TBC1D16: variants seen among roughly 807,000 people sequenced by gnomAD.
The protein encoded by TBC1D16 is TBC1 domain family member 16, also known as CTD-2529O21.1.
Under a neutral mutation model 74.7 loss-of-function variants are expected in TBC1D16, and 58 were observed. That is an observed-to-expected ratio of 0.78 (90% CI 0.63 to 0.97). The LOEUF is 0.97. Among genes scored for constraint, TBC1D16 ranks in the 50% least tolerant of loss-of-function variants. The probability of loss-of-function intolerance (pLI) is 0.00; values close to 1 mark genes in which losing one functional copy is unlikely to be tolerated. For missense variants in TBC1D16, 1,014 were observed against 1,079.5 expected, an observed-to-expected ratio of 0.94 and a Z score of 0.85; for synonymous variants, 493 against 474.7, an observed-to-expected ratio of 1.04 and a Z score of -0.50.
chr17:80,006,045 AATT>A (rs1372656578), intron 3 of TBC1D16, among the ~76,000 whole-genome samples: 3 of 152,014 alleles, frequency 2.0e-5, no homozygotes, highest in Admixed American at 1.3e-4. Context: ...ACTCCGGGTT[AATT>A]ATTAATAGAC....
intron 1 of TBC1D16, among the ~76,000 whole-genome samples, chr17:80,019,480 C>A (rs1340892880): frequency 7.5e-6 from 1 of 132,966 alleles, no homozygotes; most frequent in East Asian, 2.6e-4. Flanking sequence ...AGAGACTGGG[C>A]TCTTTTTGGA....
chr17:79,952,972 T>TA, intron 3 of TBC1D16, 154 bp from the exon 4 acceptor site: 2 of 769,634 alleles, frequency 2.6e-6, no homozygotes, highest in Non-Finnish European at 4.0e-6. Context: ...CACCTGTGAA[T>TA]AAATGAATGT....
In TBC1D16 at chr17:79,936,736, G is replaced by T. The variant is rs536625685; in HGVS notation, c.*4123C>A. On this transcript the variant is annotated 3_prime_UTR_variant, in exon 12 of 12. Transcript: ENST00000310924. ...ACAGAATGCTTTCACACCCAGGAAC[G>T]GCCGTGCAGCCTGGCTTAGAAACAA... 6.6e-6 allele frequency: 1 copy of T among 152,216 alleles called. No homozygotes were observed. The highest frequency in any genetic ancestry group is 1.5e-5 in the Non-Finnish European group (1 of 68,072). 9.4% of individuals were successfully genotyped at this position (152,216 alleles called of 1,614,324 possible). A position where few individuals can be genotyped will look rare whatever the true frequency, so the allele number is the denominator to read the frequency against.
chr17:80,018,518 G>A lies in TBC1D16; in HGVS notation c.-62-4909C>T, dbSNP rs562543918. On this transcript the variant is annotated intron_variant, in intron 1 of 11. Coordinates refer to ENST00000310924, the MANE Select transcript of TBC1D16 (RefSeq NM_019020.4). ...AGGATGGTCTCGATCTCCTGACCTC[G>A]TGATCCGCCTGCCTCGGCCTCCCAA... Among the ~76,000 whole-genome samples the A allele has an allele frequency of 1.1e-4, 16 of 149,840 alleles. No homozygotes were observed. In the East Asian group the frequency reaches 2.7e-3, roughly 25 times the overall value.
chr17:80,025,119 A>ACTAT (rs1240816819), intron 1 of TBC1D16, among the ~76,000 whole-genome samples: 1 of 20,288 alleles, frequency 4.9e-5, no homozygotes, highest in African/African-American at 2.2e-4. Context: ...CAAACACCAC[A>ACTAT]GACACACACA....
chr17:80,013,304 G>T, intron 2 of TBC1D16, 63 bp downstream of exon 2: 1 of 1,485,038 alleles, frequency 6.7e-7, no homozygotes, highest in South Asian at 1.3e-5. Context: ...AGGGCCTTTA[G>T]AGCCCTGGCT....
At position 79,986,219 on chromosome 17, in the gene TBC1D16, G is replaced by C. The variant is rs962824161; in HGVS notation, c.779+23941C>G. On this transcript the variant is annotated intron_variant, in intron 3 of 11. Coordinates refer to ENST00000310924, the MANE Select transcript of TBC1D16 (RefSeq NM_019020.4). The surrounding 1 kb of genome is among the most constrained non-coding windows in gnomAD (Gnocchi z 6.0). ...GGGAGGGCAGGAGGCGGCAAGCATG[G>C]GTGCTGGGTCCACCTCACCCACTTG... 6.6e-6 allele frequency among the ~76,000 whole-genome samples: 1 copy of C among 152,230 alleles called. No individual in the cohort carries two copies. The highest frequency in any genetic ancestry group is 2.4e-5 in the African/African-American group (1 of 41,460).
Position 79,981,058 on chromosome 17 carries a change from C to G in TBC1D16, c.780-28240G>C, listed in dbSNP as rs896488391. 2.0e-5 allele frequency among the ~76,000 whole-genome samples: 3 copies of G among 152,236 alleles called. No homozygotes were observed. The East Asian group carries it at 5.8e-4, about 29-fold the overall frequency. On this transcript the variant is annotated intron_variant, in intron 3 of 11. Transcript: ENST00000310924. The surrounding 1 kb of genome is among the most constrained non-coding windows in gnomAD (Gnocchi z 6.9). ...AAGACCTTGGCTACTCATTTATATT[C>G]ATTTAAATTCCATCCACACACTTGT...
chr17:80,019,348 C>T lies in TBC1D16; in HGVS notation c.-62-5739G>A, dbSNP rs769161056. Among the ~76,000 whole-genome samples, 34 of 149,718 alleles carry T rather than the reference C, an allele frequency of 2.3e-4. 1 individual carries two copies. The highest frequency in any genetic ancestry group is 2.1e-4 in the Non-Finnish European group (14 of 68,016). ...AGGTTCTGACCACTCAGGGTCATTT[C>T]GTGAGCGGGAAACCCTGCAGCGTGA... On this transcript the variant is annotated intron_variant, in intron 1 of 11. Transcript: ENST00000310924.
chr17:80,033,575 GT>G (rs2036846822), intron 1 of TBC1D16, among the ~76,000 whole-genome samples: 1 of 152,110 alleles, frequency 6.6e-6, no homozygotes, highest in Non-Finnish European at 1.5e-5. Flanking sequence ...GTCTCTCTAG[GT>G]TGCCTAAGGT....
intron 3 of TBC1D16, among the ~76,000 whole-genome samples, chr17:79,989,397 T>C (rs1023015576): frequency 6.6e-6 from 1 of 152,258 alleles, no homozygotes; most frequent in Non-Finnish European, 1.5e-5. Context: ...TCCCACACTG[T>C]GGCCTTGATC....
intron 10 of TBC1D16, chr17:79,943,772 G>C: frequency 8.3e-7 from 1 of 1,208,842 alleles, no homozygotes; most frequent in Non-Finnish European, 1.0e-6. Context: ...GTGTCCATGG[G>C]AAAGGGACCC....
intron 3 of TBC1D16, among the ~76,000 whole-genome samples, chr17:79,978,230 C>T (rs981533688): frequency 6.6e-6 from 1 of 152,174 alleles, no homozygotes; most frequent in Admixed American, 6.5e-5. Flanking sequence ...CAGCTCCTCG[C>T]GGCATGGGCG....
rs893931409 is a variant in TBC1D16, at chr17:79,985,169, C to T, written c.779+24991G>A. 1.4e-4 allele frequency among the ~76,000 whole-genome samples: 22 copies of T among 152,226 alleles called. No homozygotes were observed. The highest frequency in any genetic ancestry group is 4.6e-4 in the Admixed American group (7 of 15,294). On this transcript the variant is annotated intron_variant, in intron 3 of 11. Transcript: ENST00000310924. This position sits in a 1 kb window ranked among gnomAD's most constrained non-coding sequence, Gnocchi z 4.9. ...GCTCGTCCTGGATCCTGGAAGCCCC[C>T]AAGCCTGCAGCAGCATCACTCCCAT...
At chr17:79,982,336 G>GTGA (rs1259026948) in intron 3 of TBC1D16, among the ~76,000 whole-genome samples, 3 of 151,154 alleles carry the variant, frequency 2.0e-5, no homozygotes, top group Non-Finnish European at 4.4e-5. Flanking sequence ...GGTAGAGACG[G>GTGA]GGTTTCACCA....
chr17:80,008,136 T>A lies in TBC1D16; in HGVS notation c.779+2024A>T, dbSNP rs923416477. Among the ~76,000 whole-genome samples the A allele has an allele frequency of 1.3e-5, 2 of 151,880 alleles. No individual in the cohort carries two copies. Among genetic ancestry groups the A allele is most frequent in the African/African-American group, 2.4e-5 (1 of 41,312 alleles). On this transcript the variant is annotated intron_variant, in intron 3 of 11. Coordinates refer to ENST00000310924, the MANE Select transcript of TBC1D16 (RefSeq NM_019020.4). The surrounding 1 kb of genome is among the most constrained non-coding windows in gnomAD (Gnocchi z 4.5). Reference sequence around the variant, plus strand: ...CTGGAGGGACCTGGGCATCAGCGTCTAAAGGCTCCCCCAGGAACCCCCACA... The same window carrying A: ...CTGGAGGGACCTGGGCATCAGCGTCAAAAGGCTCCCCCAGGAACCCCCACA...
intron 8 of TBC1D16, among the ~76,000 whole-genome samples, chr17:79,948,049 G>A (rs1055881071): frequency 6.6e-6 from 1 of 152,202 alleles, no homozygotes; most frequent in Admixed American, 6.5e-5. Context: ...GGTGGCCCAC[G>A]CCTACAATCC....
At chr17:80,016,743 G>T (rs1458691285) in intron 1 of TBC1D16, among the ~76,000 whole-genome samples, 1 of 152,148 alleles carries the variant, frequency 6.6e-6, no homozygotes. Flanking sequence ...GCCTCTCTGG[G>T]TTCCTCTCCT....
At chr17:80,014,875 G>T (rs796775464) in intron 1 of TBC1D16, among the ~76,000 whole-genome samples, 1 of 152,178 alleles carries the variant, frequency 6.6e-6, no homozygotes, top group African/African-American at 2.4e-5. Flanking sequence ...CTTCTGCCCC[G>T]TGAGGACACA....
Sources: allele counts gnomAD v4.1 joint callset (sites outside exome capture counted in the v4.1 genomes callset), GRCh38; gene constraint gnomAD v4.1.1; non-coding constraint Gnocchi (gnomAD v3.1); transcripts MANE v1.5; gene names NCBI Gene and HGNC (gene_info 2026-07-23, HGNC 2026-07-21).